PIP4K2A: variants seen among roughly 807,000 people sequenced by gnomAD.
PIP4K2A encodes phosphatidylinositol-5-phosphate 4-kinase type 2 alpha.
Under a neutral mutation model 42.9 loss-of-function variants are expected in PIP4K2A, and 14 were observed. That is an observed-to-expected ratio of 0.33 (90% CI 0.22 to 0.51). The LOEUF is 0.51. PIP4K2A is among the 20% of genes least tolerant of loss of function. PIP4K2A has a pLI of 0.97. For missense variants in PIP4K2A, 434 were observed against 519.8 expected, an observed-to-expected ratio of 0.83 and a Z score of 1.61; for synonymous variants, 192 against 192.2, an observed-to-expected ratio of 1.00 and a Z score of 0.01.
chr10:22,679,489 G>T (rs1489201932), intron 1 of PIP4K2A, among the ~76,000 whole-genome samples: 2 of 152,142 alleles, frequency 1.3e-5, no homozygotes, highest in African/African-American at 4.8e-5. Context: ...TTATACAGTT[G>T]CTTTGGCCAT....
intron 1 of PIP4K2A, among the ~76,000 whole-genome samples, chr10:22,710,968 C>T (rs1481457210): frequency 6.6e-6 from 1 of 152,130 alleles, no homozygotes; most frequent in Non-Finnish European, 1.5e-5. Context: ...CAACATCCTC[C>T]CCACACTATT....
At chr10:22,560,608 A>G (rs1419684866) in intron 6 of PIP4K2A, among the ~76,000 whole-genome samples, 1 of 152,230 alleles carries the variant, frequency 6.6e-6, no homozygotes, top group Non-Finnish European at 1.5e-5. Context: ...GCCCATTATC[A>G]AAGTGTCAAC....
intron 1 of PIP4K2A, among the ~76,000 whole-genome samples, chr10:22,646,958 CA>C (rs569143064): frequency 1.4e-5 from 2 of 143,964 alleles, no homozygotes; most frequent in Admixed American, 6.9e-5. Flanking sequence ...CAAAACAAAA[CA>C]AAAAAAAACA....
At chr10:22,567,257 T>C (rs1836866903) in intron 6 of PIP4K2A, among the ~76,000 whole-genome samples, 1 of 152,214 alleles carries the variant, frequency 6.6e-6, no homozygotes, top group Non-Finnish European at 1.5e-5. Context: ...CTCTATAATC[T>C]TGCACAGTAA....
intron 3 of PIP4K2A, among the ~76,000 whole-genome samples, chr10:22,601,045 T>C (rs1248754971): frequency 7.0e-6 from 1 of 143,182 alleles, no homozygotes; most frequent in Non-Finnish European, 1.5e-5. Flanking sequence ...CAGAGTGCCA[T>C]GAGATCATCT....
At chr10:22,678,599 G>C (rs1839605508) in intron 1 of PIP4K2A, among the ~76,000 whole-genome samples, 1 of 152,192 alleles carries the variant, frequency 6.6e-6, no homozygotes, top group Non-Finnish European at 1.5e-5. Flanking sequence ...AGTTTGCTGT[G>C]ATGAAAACTC....
At chr10:22,665,916 T>A (rs1261580424) in intron 1 of PIP4K2A, among the ~76,000 whole-genome samples, 1 of 152,046 alleles carries the variant, frequency 6.6e-6, no homozygotes, top group Admixed American at 6.6e-5. Flanking sequence ...ATGGGATAGA[T>A]TATCAGAAGT....
rs545102825 is a variant in PIP4K2A at position 22,591,318 on chromosome 10, C to T, written c.492+311G>A. 8.5e-5 allele frequency among the ~76,000 whole-genome samples: 13 copies of T among 152,354 alleles called. No individual in the cohort carries two copies. The East Asian group carries it at 1.9e-3, about 23-fold the overall frequency. On this transcript the variant is annotated intron_variant, in intron 4 of 9. Coordinates refer to ENST00000376573, the MANE Select transcript of PIP4K2A (RefSeq NM_005028.5). ...TAATCTCTGGCACAGGCAAAAACTTCTGCAAAGTTGCCAAATCTTAAGCTG... is the reference window on the plus strand; with the variant it reads ...TAATCTCTGGCACAGGCAAAAACTTTTGCAAAGTTGCCAAATCTTAAGCTG...
rs1482120215 is a variant in PIP4K2A, at chr10:22,534,968, C to G, written c.*2233G>C. 1 of 152,192 alleles carries G rather than the reference C, an allele frequency of 6.6e-6. No individual in the cohort carries two copies. The highest frequency in any genetic ancestry group is 2.4e-5 in the African/African-American group (1 of 41,436). The allele number at this position is 152,192 out of a possible 1,614,324, so 9.4% of individuals were successfully genotyped here. A position where few individuals can be genotyped will look rare whatever the true frequency, so the allele number is the denominator to read the frequency against. The stretch of plus-strand genomic sequence containing the variant: ...TGGGACAGAGGAAAAAAGGATTCAT[C>G]TTGTGAGTCATCAAAAGTGCTTTAT... On this transcript the variant is annotated 3_prime_UTR_variant, in exon 10 of 10. Coordinates refer to ENST00000376573, the MANE Select transcript of PIP4K2A (RefSeq NM_005028.5).
At chr10:22,537,651 C>T (rs567047253) in intron 9 of PIP4K2A, among the ~76,000 whole-genome samples, 3 of 152,276 alleles carry the variant, frequency 2.0e-5, no homozygotes, top group Admixed American at 2.0e-4. Flanking sequence ...TTCAAGAAGG[C>T]AGACTGGAGC....
At chr10:22,664,044 T>TACAC (rs1588693358) in intron 1 of PIP4K2A, among the ~76,000 whole-genome samples, 1 of 90,852 alleles carries the variant, frequency 1.1e-5, no homozygotes, top group Admixed American at 1.1e-4. Flanking sequence ...TATATATATA[T>TACAC]ATACATATGT....
chr10:22,683,935 G>A (rs904700898), intron 1 of PIP4K2A, among the ~76,000 whole-genome samples: 9 of 151,874 alleles, frequency 5.9e-5, no homozygotes, highest in Middle Eastern at 3.4e-3. Flanking sequence ...ATCGCCCAGC[G>A]CTTCCTTGCC....
chr10:22,570,261 C>G (rs960833870), intron 5 of PIP4K2A, among the ~76,000 whole-genome samples: 1 of 152,062 alleles, frequency 6.6e-6, no homozygotes, highest in Non-Finnish European at 1.5e-5. Flanking sequence ...TAAAATTATC[C>G]CTATTTTAAC....
At chr10:22,642,873 A>G (rs1838809326) in intron 1 of PIP4K2A, among the ~76,000 whole-genome samples, 3 of 152,138 alleles carry the variant, frequency 2.0e-5, no homozygotes. Flanking sequence ...TTTTAGCTTC[A>G]TTCCTGCCAA....
At chr10:22,602,065 C>T (rs1447266607) in intron 3 of PIP4K2A, among the ~76,000 whole-genome samples, 1 of 152,136 alleles carries the variant, frequency 6.6e-6, no homozygotes. Flanking sequence ...CCCTTCTATG[C>T]ATTCTATAAA....
intron 7 of PIP4K2A, among the ~76,000 whole-genome samples, chr10:22,550,405 C>T (rs1220342467): frequency 6.6e-5 from 10 of 152,238 alleles, no homozygotes; most frequent in East Asian, 1.9e-4. Context: ...GGCCTGGGAC[C>T]GGGGATTCCC....
intron 6 of PIP4K2A, among the ~76,000 whole-genome samples, chr10:22,552,410 C>T (rs919472773): frequency 1.3e-5 from 2 of 152,082 alleles, no homozygotes; most frequent in Admixed American, 1.3e-4. Flanking sequence ...TGTCAGGATG[C>T]GCCTGCTAGA....
chr10:22,609,622 G>A lies in PIP4K2A; in HGVS notation c.240C>T (p.Asn80=), dbSNP rs775621824. The A allele has an allele frequency of 6.5e-7, 1 of 1,539,682 alleles. No individual in the cohort carries two copies. Residue 80 remains asparagine (N), a splice_region_variant and synonymous_variant, in exon 2 of 10, where the codon AAC becomes AAT. Coordinates refer to ENST00000376573, the MANE Select transcript of PIP4K2A (RefSeq NM_005028.5). ...TGAAAGGTCATACTTGTACTTACTT[G>A]TTAAAAAGGTGATTGTCCACCTTTA... ...SKIKVDNHLF[N]KENMPSHFKF...
chr10:22,554,807 C>A (rs1016587177), intron 6 of PIP4K2A, among the ~76,000 whole-genome samples: 1 of 152,208 alleles, frequency 6.6e-6, no homozygotes, highest in African/African-American at 2.4e-5. Context: ...TTCCCCACCC[C>A]GTCCTCCTCT....
Sources: gnomAD v4.1 joint callset for allele counts (sites outside exome capture counted in the v4.1 genomes callset) on GRCh38, gnomAD v4.1.1 for gene constraint, MANE v1.5 for transcripts, NCBI Gene and HGNC (gene_info 2026-07-23, HGNC 2026-07-21) for gene names.